The following ZBTB20 variants were observed in gnomAD, a reference collection of about 807,000 sequenced individuals.
The protein encoded by ZBTB20 is zinc finger and BTB domain-containing protein 20.
Under a neutral mutation model 56.9 loss-of-function variants are expected in ZBTB20, and 9 were observed. The observed-to-expected ratio is 0.16, with a 90% CI of 0.10 to 0.28. The LOEUF (loss-of-function observed/expected upper bound fraction) is 0.28, where lower values mean the gene tolerates loss of function less well. ZBTB20 is among the 10% of genes least tolerant of loss of function. The pLI, the probability that ZBTB20 is intolerant of heterozygous loss-of-function variation, is 1.00. For missense variants in ZBTB20, 655 were observed against 1,003.0 expected (o/e 0.65, Z 4.69); for synonymous variants, 417 against 420.7 (o/e 0.99, Z 0.11).
intron 7 of ZBTB20, among the ~76,000 whole-genome samples, chr3:114,486,892 C>T (rs1034009283): frequency 6.6e-6 from 1 of 152,146 alleles, no homozygotes; most frequent in African/African-American, 2.4e-5. Flanking sequence ...CATGCCTGAT[C>T]TGTTCTCAAT....
chr3:114,380,723 T>C (rs181240664), intron 9 of ZBTB20, 54 bp downstream of exon 9: 107 of 1,467,292 alleles, frequency 7.3e-5, no homozygotes, highest in East Asian at 3.8e-4. Context: ...AGCATCCCTC[T>C]TCCCCCCTTA....
At chr3:115,015,947 G>A (rs2079936030) in intron 2 of ZBTB20, among the ~76,000 whole-genome samples, 1 of 151,850 alleles carries the variant, frequency 6.6e-6, no homozygotes, top group African/African-American at 2.4e-5. Context: ...CAGTGCAAAA[G>A]CATTCCTTTT....
chr3:115,021,590 C>T (rs375400632), intron 2 of ZBTB20, among the ~76,000 whole-genome samples: 1 of 150,798 alleles, frequency 6.6e-6, no homozygotes, highest in African/African-American at 2.4e-5. Context: ...ACTTGAGTCA[C>T]TGTTCAAACA....
At chr3:115,077,461 A>T (rs2082636645) in intron 1 of ZBTB20, among the ~76,000 whole-genome samples, 1 of 152,206 alleles carries the variant, frequency 6.6e-6, no homozygotes, top group Non-Finnish European at 1.5e-5. Context: ...CTTACCAGAT[A>T]CAAAAACTGC....
intron 5 of ZBTB20, among the ~76,000 whole-genome samples, chr3:114,741,603 G>A (rs1329459070): frequency 2.0e-5 from 3 of 152,018 alleles, no homozygotes; most frequent in Non-Finnish European, 4.4e-5. Flanking sequence ...AGGCCGGTGC[G>A]GTGGCTCACG....
chr3:114,446,009 C>T (rs184020170), intron 7 of ZBTB20, among the ~76,000 whole-genome samples: 97 of 152,056 alleles, frequency 6.4e-4, no homozygotes, highest in African/African-American at 2.1e-3. Flanking sequence ...TAGTTCACTG[C>T]GACAATCTAT....
chr3:114,608,401 C>T (rs2057322738), intron 6 of ZBTB20, among the ~76,000 whole-genome samples: 1 of 152,084 alleles, frequency 6.6e-6, no homozygotes, highest in Non-Finnish European at 1.5e-5. Context: ...ATTTCTTATT[C>T]TCTAGGTTTA....
At chr3:115,146,043 T>C (rs1365695958) in intron 1 of ZBTB20, among the ~76,000 whole-genome samples, 2 of 152,198 alleles carry the variant, frequency 1.3e-5, no homozygotes, top group Non-Finnish European at 2.9e-5. Flanking sequence ...TTCACATGTC[T>C]AGAAAGGTAA....
At position 114,621,095 on chromosome 3, in the gene ZBTB20, CAATT is replaced by C. The variant is rs200080623; in HGVS notation, c.-295+72429_-295+72432del. Among the ~76,000 whole-genome samples the C allele has an allele frequency of 4.7e-3, 712 of 152,200 alleles. 4 individuals carry two copies. The highest frequency in any genetic ancestry group is 0.015 in the African/African-American group (633 of 41,530). The stretch of plus-strand genomic sequence containing the variant: ...AAACATATGCTCAATTTTAAGATAT[CAATT>C]AATTTCTTTCTACTTAATTTTAAAC... On this transcript the variant is annotated intron_variant, in intron 6 of 11. Coordinates refer to ENST00000675478, the MANE Select transcript of ZBTB20 (RefSeq NM_001348800.3).
intron 1 of ZBTB20, among the ~76,000 whole-genome samples, chr3:115,142,519 T>C (rs547132635): frequency 1.3e-5 from 2 of 151,972 alleles, no homozygotes; most frequent in African/African-American, 4.8e-5. Flanking sequence ...AAAAAATTAG[T>C]AGGACGTGGC....
intron 5 of ZBTB20, among the ~76,000 whole-genome samples, chr3:114,760,368 G>A (rs1435151565): frequency 6.6e-6 from 1 of 152,098 alleles, no homozygotes; most frequent in Non-Finnish European, 1.5e-5. Context: ...ATACAATATA[G>A]CCAGAGCAAT....
At chr3:115,033,127 T>C (rs964970264) in intron 2 of ZBTB20, among the ~76,000 whole-genome samples, 6 of 150,772 alleles carry the variant, frequency 4.0e-5, no homozygotes, top group Admixed American at 3.3e-4. Flanking sequence ...ATATATATAC[T>C]AAGAAAAAAA....
intron 6 of ZBTB20, among the ~76,000 whole-genome samples, chr3:114,594,550 A>C (rs1046459173): frequency 1.2e-4 from 18 of 152,130 alleles, no homozygotes; most frequent in African/African-American, 4.3e-4. Context: ...TATATTCTGC[A>C]GGCTAATTCT....
At chr3:114,345,252 GT>G (rs1326626029) in intron 11 of ZBTB20, among the ~76,000 whole-genome samples, 4 of 152,158 alleles carry the variant, frequency 2.6e-5, no homozygotes, top group African/African-American at 4.8e-5. Flanking sequence ...TGATATACAT[GT>G]ATATATACGT....
intron 5 of ZBTB20, among the ~76,000 whole-genome samples, chr3:114,731,229 T>G: frequency 6.6e-6 from 1 of 152,190 alleles, no homozygotes; most frequent in Middle Eastern, 3.2e-3. Flanking sequence ...TCATATCACA[T>G]GTTTCAGTTC....
chr3:114,731,841 G>A (rs2065782049), intron 5 of ZBTB20, among the ~76,000 whole-genome samples: 1 of 151,980 alleles, frequency 6.6e-6, no homozygotes, highest in Non-Finnish European at 1.5e-5. Flanking sequence ...TAACTAATCC[G>A]GCTGTGCCTA....
At chr3:114,592,825 A>G (rs2055912996) in intron 6 of ZBTB20, among the ~76,000 whole-genome samples, 1 of 152,152 alleles carries the variant, frequency 6.6e-6, no homozygotes, top group Admixed American at 6.5e-5. Flanking sequence ...TTTATTCTAT[A>G]AAAATCTATA....
At chr3:114,386,962 T>C (rs749227567) in intron 8 of ZBTB20, among the ~76,000 whole-genome samples, 7 of 152,156 alleles carry the variant, frequency 4.6e-5, no homozygotes, top group Non-Finnish European at 1.0e-4. Flanking sequence ...GATTTTTGTT[T>C]GTTTTGCTTG....
chr3:115,119,940 A>G (rs1318025980), intron 1 of ZBTB20, among the ~76,000 whole-genome samples: 1 of 152,086 alleles, frequency 6.6e-6, no homozygotes, highest in African/African-American at 2.4e-5. Flanking sequence ...TACATACTGT[A>G]TGATTACAAC....
Sources: gnomAD v4.1 joint callset for allele counts (sites outside exome capture counted in the v4.1 genomes callset) on GRCh38, gnomAD v4.1.1 for gene constraint, MANE v1.5 for transcripts, NCBI Gene and HGNC (gene_info 2026-07-23, HGNC 2026-07-21) for gene names.